The following COG5 variants were observed in gnomAD, a reference collection of about 807,000 sequenced individuals.
The protein encoded by COG5 is conserved oligomeric Golgi complex subunit 5.
Under a neutral mutation model 110.4 loss-of-function variants are expected in COG5, and 86 were observed. The observed-to-expected ratio is 0.78, with a 90% confidence interval of 0.65 to 0.93. The LOEUF is 0.93. COG5 is among the 40% of genes least tolerant of loss of function. The probability of loss-of-function intolerance (pLI) is 0.00; values close to 1 mark genes in which losing one functional copy is unlikely to be tolerated. For missense variants in COG5, 1,077 were observed against 987.0 expected (o/e 1.09, Z -1.22); for synonymous variants, 360 against 334.6 (o/e 1.08, Z -0.83).
At chr7:107,404,846 G>A (rs1791692893) in intron 7 of COG5, among the ~76,000 whole-genome samples, 1 of 143,614 alleles carries the variant, frequency 7.0e-6, no homozygotes, top group African/African-American at 2.6e-5. Context: ...GATGGTTGAT[G>A]GAAAGTAAAG....
rs115305998 is a variant in COG5 at position 107,397,739 on chromosome 7, G to A, written c.669+14763C>T. Among the ~76,000 whole-genome samples the A allele has an allele frequency of 3.2e-3, 484 of 152,072 alleles. 4 individuals carry two copies. Among genetic ancestry groups the A allele is most frequent in the African/African-American group, 0.011 (459 of 41,470 alleles). ...AGTTAAAGTTCTTTACAAAATAATC[G>A]CAGCTAGTAAACACAAGGAATAACA... On this transcript the variant is annotated intron_variant, in intron 7 of 21. Transcript: ENST00000297135.
chr7:107,288,623 C>G (rs996485331), intron 12 of COG5, among the ~76,000 whole-genome samples: 1 of 151,794 alleles, frequency 6.6e-6, no homozygotes, highest in African/African-American at 2.4e-5. Flanking sequence ...TGCTCAGATC[C>G]CTTGTCCACT....
chr7:107,411,365 G>A (rs868562580), intron 7 of COG5, among the ~76,000 whole-genome samples: 13 of 150,806 alleles, frequency 8.6e-5, no homozygotes, highest in African/African-American at 2.4e-4. Flanking sequence ...TTTTTTAAAC[G>A]GTGTAACAGT....
chr7:107,473,115 G>A (rs140007261), intron 6 of COG5: 2 of 151,502 alleles, frequency 1.3e-5, no homozygotes, highest in Admixed American at 6.6e-5. Flanking sequence ...CTCAAAAAAC[G>A]GGCTTCACAT....
rs550589858 is a variant in COG5, at chr7:107,334,086, C to T, written c.1027-9565G>A. ...GGTATATATCCAAAGGAAAGGAAATCAGTATGTCAAAGAGGTATCTTCATT... is the reference window on the plus strand; with the variant it reads ...GGTATATATCCAAAGGAAAGGAAATTAGTATGTCAAAGAGGTATCTTCATT... On this transcript the variant is annotated intron_variant, in intron 10 of 21. Coordinates refer to ENST00000297135, the MANE Select transcript of COG5 (RefSeq NM_006348.5). 9.2e-5 allele frequency among the ~76,000 whole-genome samples: 14 copies of T among 152,212 alleles called. No individual in the cohort carries two copies. In the East Asian group the frequency reaches 2.5e-3, roughly 27 times the overall value.
chr7:107,409,431 G>A (rs1792114435), intron 7 of COG5, among the ~76,000 whole-genome samples: 1 of 149,494 alleles, frequency 6.7e-6, no homozygotes, highest in African/African-American at 2.6e-5. Flanking sequence ...CATTGAAGAA[G>A]TCATGTTAGA....
intron 5 of COG5, among the ~76,000 whole-genome samples, chr7:107,529,367 A>G (rs1028907664): frequency 1.3e-5 from 2 of 152,224 alleles, no homozygotes; most frequent in Non-Finnish European, 2.9e-5. Context: ...AGCCAGTGCC[A>G]GGGAGAGGAC....
rs542504367 is a variant in COG5, at chr7:107,363,547, A to G, written c.836-1127T>C. On this transcript the variant is annotated intron_variant, in intron 8 of 21. Coordinates refer to ENST00000297135, the MANE Select transcript of COG5 (RefSeq NM_006348.5). ...ATGGAAATGCTCTTTACAAAAGAGT[A>G]TCAGCTAATAAATGCAGAAAGAATG... is the stretch of plus-strand genomic sequence containing the variant. Among the ~76,000 whole-genome samples the G allele has an allele frequency of 2.0e-5, 3 of 152,336 alleles. No individual in the cohort carries two copies. The East Asian group carries it at 5.8e-4, about 29-fold the overall frequency.
At chr7:107,475,434 T>C (rs1296270247) in intron 6 of COG5, 1 of 696,108 alleles carries the variant, frequency 1.4e-6, no homozygotes, top group East Asian at 2.7e-5. Context: ...CTGATATTAC[T>C]GCCAAATATA....
chr7:107,408,299 G>C (rs1395606451), intron 7 of COG5, among the ~76,000 whole-genome samples: 2 of 152,156 alleles, frequency 1.3e-5, no homozygotes, highest in African/African-American at 4.8e-5. Flanking sequence ...TTTACTATCT[G>C]TCTCTTCGCA....
intron 6 of COG5, among the ~76,000 whole-genome samples, chr7:107,420,077 C>A (rs952815610): frequency 1.3e-5 from 2 of 152,014 alleles, no homozygotes; most frequent in Admixed American, 6.6e-5. Context: ...TTATTTCTTA[C>A]AAAAATTTTA....
intron 14 of COG5, among the ~76,000 whole-genome samples, chr7:107,269,772 T>G (rs1804095800): frequency 6.6e-6 from 1 of 152,212 alleles, no homozygotes; most frequent in Admixed American, 6.5e-5. Context: ...TGCATTAGAT[T>G]TCCTCCTTCT....
chr7:107,218,748 T>TA (rs112478006), intron 19 of COG5, among the ~76,000 whole-genome samples: 62 of 151,638 alleles, frequency 4.1e-4, no homozygotes, highest in African/African-American at 8.2e-4. Flanking sequence ...CTTGAAACTG[T>TA]AAAAAAAACT....
At chr7:107,506,596 C>G (rs1298572539) in intron 6 of COG5, among the ~76,000 whole-genome samples, 1 of 152,170 alleles carries the variant, frequency 6.6e-6, no homozygotes, top group Non-Finnish European at 1.5e-5. Flanking sequence ...CCCCACCCAG[C>G]TCACCCAGCT....
Position 107,288,907 on chromosome 7 carries a change from G to GATATAT in COG5, c.1314-5181_1314-5176dup, listed in dbSNP as rs60313728. 1.3e-3 allele frequency among the ~76,000 whole-genome samples: 121 copies of GATATAT among 94,086 alleles called. 1 individual carries two copies. Among genetic ancestry groups the GATATAT allele is most frequent in the Non-Finnish European group, 2.1e-3 (98 of 46,566 alleles). 61.7% of individuals were successfully genotyped at this position (94,086 alleles called of 152,430 possible). A position where few individuals can be genotyped will look rare whatever the true frequency, so the allele number is the denominator to read the frequency against. ...ATTTGCCCCTATGTTTTCTAACAGAGATATATATATATATATATATATATA... is the reference window on the plus strand; with the variant it reads ...ATTTGCCCCTATGTTTTCTAACAGAGATATATATATATATATATATATATATATATA... On this transcript the variant is annotated intron_variant, in intron 12 of 21. Transcript: ENST00000297135.
chr7:107,474,423 T>C lies in COG5; in HGVS notation c.538+52814A>G. 5 of 1,613,200 alleles carry C rather than the reference T, an allele frequency of 3.1e-6. No homozygotes were observed. Among genetic ancestry groups the C allele is most frequent in the Non-Finnish European group, 4.2e-6 (5 of 1,179,366 alleles). Reference sequence around the variant, plus strand: ...TCATTTGCTGTTTCCATGAGGCTTGTGTATCTTTTGCAAGTGTCTCAACAG... The same window carrying C: ...TCATTTGCTGTTTCCATGAGGCTTGCGTATCTTTTGCAAGTGTCTCAACAG... On this transcript the variant is annotated intron_variant, in intron 6 of 21. Transcript: ENST00000297135. This position sits in a 1 kb window ranked among gnomAD's most constrained non-coding sequence, Gnocchi z 5.7.
At chr7:107,429,939 A>T (rs1203010779) in intron 6 of COG5, among the ~76,000 whole-genome samples, 1 of 152,148 alleles carries the variant, frequency 6.6e-6, no homozygotes, top group Admixed American at 6.5e-5. Flanking sequence ...GTAGCATGAA[A>T]ACGGACTAAT....
In COG5 at chr7:107,554,373, GCT is replaced by G. The variant is rs759013041; in HGVS notation, c.235-33_235-32del. On this transcript the variant is annotated intron_variant, in intron 2 of 21. Transcript: ENST00000297135. ...AATCAAAAATAAATGATTAGCTTTT[GCT>G]CTGTTAGGTATTCTTCCTTGTAACC... is the stretch of plus-strand genomic sequence containing the variant. The G allele has an allele frequency of 5.7e-6, 9 of 1,589,708 alleles. No individual in the cohort carries two copies. The African/African-American group carries it at 8.1e-5, about 14-fold the overall frequency.
chr7:107,425,285 C>T (rs1793567539), intron 6 of COG5, among the ~76,000 whole-genome samples: 1 of 148,532 alleles, frequency 6.7e-6, no homozygotes, highest in Non-Finnish European at 1.5e-5. Flanking sequence ...AATAAAGGGT[C>T]TTATTAATAT....
Sources: gnomAD v4.1 joint callset for allele counts (sites outside exome capture counted in the v4.1 genomes callset) on GRCh38, gnomAD v4.1.1 for gene constraint, Gnocchi (gnomAD v3.1) non-coding constraint, MANE v1.5 for transcripts, NCBI Gene and HGNC (gene_info 2026-07-23, HGNC 2026-07-21) for gene names.